SEMA6D: variants seen among roughly 807,000 people sequenced by gnomAD.
The protein encoded by SEMA6D is semaphorin-6D.
SEMA6D carries 35 observed loss-of-function variants against 106.6 expected under a neutral mutation model. The ratio of observed to expected loss-of-function variants is 0.33; its 90% CI spans 0.25 to 0.44. SEMA6D has a LOEUF of 0.44. Among genes scored for constraint, SEMA6D ranks in the 20% least tolerant of loss-of-function variants. The pLI is 1.00. For synonymous variants in SEMA6D, 499 were observed against 487.7 expected, an observed-to-expected ratio of 1.02 and a Z score of -0.31; for missense variants, 1,185 against 1,345.9, an observed-to-expected ratio of 0.88 and a Z score of 1.87.
intron 1 of SEMA6D, among the ~76,000 whole-genome samples, chr15:47,250,888 G>A (rs1487931806): frequency 1.3e-5 from 2 of 152,224 alleles, no homozygotes; most frequent in Admixed American, 6.5e-5. Context: ...TTTCAAAAAG[G>A]TGGAAGGATG....
intron 4 of SEMA6D, among the ~76,000 whole-genome samples, chr15:47,686,887 A>G (rs2145687629): frequency 6.6e-6 from 1 of 152,104 alleles, no homozygotes; most frequent in South Asian, 2.1e-4. Flanking sequence ...GCAACATAGC[A>G]AGACCCCATC....
chr15:47,753,506 A>G (rs1369168365), intron 1 of SEMA6D, among the ~76,000 whole-genome samples: 1 of 152,232 alleles, frequency 6.6e-6, no homozygotes, highest in Non-Finnish European at 1.5e-5. Context: ...GAGGTATGTC[A>G]AGATCAGAGA....
intron 4 of SEMA6D, among the ~76,000 whole-genome samples, chr15:47,694,135 A>G (rs936810594): frequency 1.4e-5 from 2 of 147,096 alleles, no homozygotes; most frequent in African/African-American, 5.0e-5. Flanking sequence ...CTTCGGCCCC[A>G]CAAACAGAGC....
chr15:47,531,652 G>A (rs975218361), intron 3 of SEMA6D, among the ~76,000 whole-genome samples: 8 of 152,162 alleles, frequency 5.3e-5, no homozygotes, highest in African/African-American at 1.9e-4. Flanking sequence ...GAGAGTTGTG[G>A]GGACATTACC....
intron 4 of SEMA6D, among the ~76,000 whole-genome samples, chr15:47,636,263 G>C (rs2077387129): frequency 2.0e-5 from 3 of 152,120 alleles, no homozygotes; most frequent in Admixed American, 6.5e-5. Context: ...TACGCAAATA[G>C]AATCTGCTCA....
At chr15:47,697,473 A>C (rs912224179) in intron 4 of SEMA6D, among the ~76,000 whole-genome samples, 1 of 152,146 alleles carries the variant, frequency 6.6e-6, no homozygotes, top group African/African-American at 2.4e-5. Flanking sequence ...TCCCACTAAG[A>C]AAGGCTGTAG....
At chr15:47,658,128 A>G (rs1480404256) in intron 4 of SEMA6D, among the ~76,000 whole-genome samples, 1 of 152,112 alleles carries the variant, frequency 6.6e-6, no homozygotes, top group Non-Finnish European at 1.5e-5. Flanking sequence ...AGATATTTTT[A>G]TGATGCAAAT....
intron 1 of SEMA6D, among the ~76,000 whole-genome samples, chr15:47,262,887 A>G (rs1172631721): frequency 6.6e-6 from 1 of 152,116 alleles, no homozygotes; most frequent in East Asian, 1.9e-4. Context: ...ACTCAGAAAT[A>G]AGGTCATACA....
At chr15:47,308,203 T>C (rs546586063) in intron 1 of SEMA6D, among the ~76,000 whole-genome samples, 4 of 152,330 alleles carry the variant, frequency 2.6e-5, no homozygotes, top group African/African-American at 9.6e-5. Flanking sequence ...GTACATATTC[T>C]ACATAGGTGA....
Position 47,761,016 on chromosome 15 carries a change from A to G in SEMA6D, c.260A>G (p.Lys87Arg). 1 of 1,613,622 alleles carries G rather than the reference A, an allele frequency of 6.2e-7. No individual in the cohort carries two copies. The highest frequency in any genetic ancestry group is 8.5e-7 in the Non-Finnish European group (1 of 1,179,714). The change falls in exon 4 of 19, where the codon AAA becomes AGA. Residue 87 changes from lysine (K) to arginine (R), a missense_variant. Physicochemically the swap from Lys to Arg is conservative, Grantham distance 26. Transcript: ENST00000536845. ...VYTVNLNEMP[K>R]TEVIPNKKLT... ...ACAGTAAACTTAAATGAAATGCCCAAAACAGAAGTAATACCCAACAAGGTG... is the reference window on the plus strand; with the variant it reads ...ACAGTAAACTTAAATGAAATGCCCAGAACAGAAGTAATACCCAACAAGGTG...
intron 4 of SEMA6D, among the ~76,000 whole-genome samples, chr15:47,602,053 A>T (rs2076672451): frequency 6.6e-6 from 1 of 152,154 alleles, no homozygotes; most frequent in South Asian, 2.1e-4. Context: ...TATATTTTTT[A>T]CTTAAACAAA....
At chr15:47,544,244 T>C (rs1162255577) in intron 3 of SEMA6D, among the ~76,000 whole-genome samples, 1 of 152,202 alleles carries the variant, frequency 6.6e-6, no homozygotes, top group Non-Finnish European at 1.5e-5. Context: ...GCATACTTTC[T>C]GGAGTTTCCC....
intron 1 of SEMA6D, among the ~76,000 whole-genome samples, chr15:47,394,066 G>A (rs3198): frequency 0.58 from 87,898 of 152,000 alleles, 26,904 homozygotes; most frequent in African/African-American, 0.8. Context: ...TCAGTTTGCT[G>A]TCTTCATCCT....
intron 3 of SEMA6D, among the ~76,000 whole-genome samples, chr15:47,514,139 C>T (rs983470597): frequency 6.6e-6 from 1 of 152,206 alleles, no homozygotes; most frequent in African/African-American, 2.4e-5. Flanking sequence ...AACCCAAACA[C>T]TCAGTCCAGA....
At chr15:47,304,075 G>A (rs112557155) in intron 1 of SEMA6D, among the ~76,000 whole-genome samples, 3,785 of 152,196 alleles carry the variant, frequency 0.025, 147 homozygotes, top group African/African-American at 0.084. Context: ...TTTAGCATGA[G>A]TTTTATACCA....
chr15:47,357,582 G>A (rs1214285127), intron 1 of SEMA6D, among the ~76,000 whole-genome samples: 2 of 152,072 alleles, frequency 1.3e-5, no homozygotes, highest in African/African-American at 4.8e-5. Flanking sequence ...CATCCAGCAC[G>A]GGAGAAAGGT....
chr15:47,344,472 C>T lies in SEMA6D; in HGVS notation c.-238-67921C>T, dbSNP rs187611720. Among the ~76,000 whole-genome samples, 232 of 152,220 alleles carry T rather than the reference C, an allele frequency of 1.5e-3. 1 individual carries two copies. The highest frequency in any genetic ancestry group is 1.4e-3 in the Non-Finnish European group (98 of 68,010). ...AACAAGGTAGGGCCTATGGGTGCTC[C>T]GGCTTACTCTTTGGAGAGTTTCCAG... is the stretch of plus-strand genomic sequence containing the variant. On this transcript the variant is annotated intron_variant, in intron 1 of 19. Transcript: ENST00000558014.
rs533294985 is a variant in SEMA6D at position 47,233,800 on chromosome 15, A to G, written c.-239+49382A>G. 1.1e-4 allele frequency among the ~76,000 whole-genome samples: 17 copies of G among 152,130 alleles called. No homozygotes were observed. In the South Asian group the frequency reaches 3.3e-3, roughly 30 times the overall value. On this transcript the variant is annotated intron_variant, in intron 1 of 19. Transcript: ENST00000558014. The stretch of plus-strand genomic sequence containing the variant: ...ACTTTATTGAATTTATTTATTTATT[A>G]GCTCTAACAACTTTGTGGCATTTTG...
chr15:47,715,205 C>T (rs1024664279), upstream of SEMA6D, among the ~76,000 whole-genome samples: 16 of 151,996 alleles, frequency 1.1e-4, no homozygotes, highest in East Asian at 1.9e-4. Context: ...AGTGGTGAAC[C>T]GCAAGTTTCT....
Sources: gnomAD v4.1 joint callset for allele counts (sites outside exome capture counted in the v4.1 genomes callset) on GRCh38, gnomAD v4.1.1 for gene constraint, MANE v1.5 for transcripts, NCBI Gene and HGNC (gene_info 2026-07-23, HGNC 2026-07-21) for gene names.